Variants in LARGE1 observed in about 807,000 individuals in gnomAD.
LARGE1 encodes xylosyl- and glucuronyltransferase LARGE1.
LARGE1 carries 43 observed loss-of-function variants against 87.6 expected under a neutral mutation model. The observed-to-expected ratio is 0.49, with a 90% confidence interval of 0.38 to 0.63. The LOEUF is 0.63. Among genes scored for constraint, LARGE1 ranks in the 30% least tolerant of loss-of-function variants. The pLI is 0.00. For synonymous variants in LARGE1, 434 were observed against 394.6 expected, an observed-to-expected ratio of 1.10 and a Z score of -1.18; for missense variants, 802 against 1,000.2, an observed-to-expected ratio of 0.80 and a Z score of 2.67.
At chr22:33,497,710 T>C (rs548104320) in intron 6 of LARGE1, among the ~76,000 whole-genome samples, 1 of 152,198 alleles carries the variant, frequency 6.6e-6, no homozygotes, top group Non-Finnish European at 1.5e-5. Context: ...TACTTCTAAC[T>C]TTTTCCTAAC....
At chr22:33,412,277 T>G (rs1601749209) in intron 7 of LARGE1, among the ~76,000 whole-genome samples, 2 of 150,836 alleles carry the variant, frequency 1.3e-5, no homozygotes, top group South Asian at 2.1e-4. Flanking sequence ...AGAGTGAGAC[T>G]CCATCTCAAA....
intron 2 of LARGE1, among the ~76,000 whole-genome samples, chr22:33,689,171 C>CA (rs1569373306): frequency 4.6e-5 from 7 of 151,516 alleles, no homozygotes; most frequent in African/African-American, 1.5e-4. Flanking sequence ...CTCTCTCCCC[C>CA]CTCCTGTGTG....
At chr22:33,122,905 C>T in the LARGE1 span, among the ~76,000 whole-genome samples, 81 of 152,230 alleles carry the variant, frequency 5.3e-4, 1 homozygote, top group East Asian at 0.012. Context: ...GGGGCTGATA[C>T]GGGACCCTAC....
At chr22:33,807,083 T>C (rs1247342505) in intron 1 of LARGE1, among the ~76,000 whole-genome samples, 1 of 152,172 alleles carries the variant, frequency 6.6e-6, no homozygotes, top group African/African-American at 2.4e-5. Context: ...GCAGTTTGTT[T>C]GCAGCAGGTA....
intron 6 of LARGE1, among the ~76,000 whole-genome samples, chr22:33,462,878 A>C (rs1437907540): frequency 6.6e-5 from 10 of 152,240 alleles, no homozygotes; most frequent in Non-Finnish European, 8.8e-5. Context: ...CAAACTTTTA[A>C]AATAACAAGC....
intron 5 of LARGE1, among the ~76,000 whole-genome samples, chr22:33,586,334 G>A (rs949430876): frequency 1.3e-5 from 2 of 152,148 alleles, no homozygotes; most frequent in African/African-American, 4.8e-5. Context: ...CCTTCTTACA[G>A]AGACAATGAC....
At chr22:33,645,865 G>A (rs962158179) in intron 3 of LARGE1, among the ~76,000 whole-genome samples, 8 of 152,156 alleles carry the variant, frequency 5.3e-5, no homozygotes, top group Non-Finnish European at 1.2e-4. Flanking sequence ...GGTCATCAAA[G>A]AAATGCAAAT....
chr22:33,348,321 G>C lies in LARGE1; in HGVS notation c.1132-10520C>G, dbSNP rs965317734. Among the ~76,000 whole-genome samples the C allele has an allele frequency of 2.3e-5, 3 of 131,134 alleles. No individual in the cohort carries two copies. In the Admixed American group the frequency reaches 2.9e-4, roughly 13 times the overall value. 86.0% of individuals were successfully genotyped at this position (131,134 alleles called of 152,430 possible). A position where few individuals can be genotyped will look rare whatever the true frequency, so the allele number is the denominator to read the frequency against. ...AAAGTACTAGGCAGAGATCAAGAGT[G>C]CTGTTGGGCAGGGGCAAGGCACTGA... On this transcript the variant is annotated intron_variant, in intron 9 of 14. Transcript: ENST00000397394.
At chr22:33,390,145 T>C (rs2065466727) in intron 7 of LARGE1, among the ~76,000 whole-genome samples, 1 of 152,228 alleles carries the variant, frequency 6.6e-6, no homozygotes. Context: ...CTCAGGCTGC[T>C]TTTCTCTTTG....
chr22:33,829,006 CTTT>C (rs776583343), intron 1 of LARGE1, among the ~76,000 whole-genome samples: 1,195 of 94,700 alleles, frequency 0.013, 6 homozygotes, highest in Middle Eastern at 0.045. Flanking sequence ...GTCTCTTTTT[CTTT>C]TTTTTTTTTT....
chr22:33,521,420 T>C (rs2071587410), intron 6 of LARGE1, among the ~76,000 whole-genome samples: 1 of 152,216 alleles, frequency 6.6e-6, no homozygotes. Context: ...TCTCTCCACA[T>C]GGGCTCTCAT....
intron 12 of LARGE1, among the ~76,000 whole-genome samples, chr22:33,295,761 C>T (rs5749602): frequency 0.24 from 36,767 of 152,120 alleles, 9,054 homozygotes; most frequent in African/African-American, 0.64. Context: ...ATGAGGGAGA[C>T]AGGGCAGCCC....
At chr22:33,082,569 G>A in the LARGE1 span, among the ~76,000 whole-genome samples, 1 of 152,132 alleles carries the variant, frequency 6.6e-6, no homozygotes, top group Non-Finnish European at 1.5e-5. Flanking sequence ...AGAAGTCTGA[G>A]CAATCTACGC....
At position 33,317,946 on chromosome 22, in the gene LARGE1, G is replaced by A. The variant is rs1245333702; in HGVS notation, c.1288-1698C>T. ...TTCAACAAACTGTGCACTTAGAATGGGAGGACTTGGCCAGGCACGGTGGCT... is the reference window on the plus strand; with the variant it reads ...TTCAACAAACTGTGCACTTAGAATGAGAGGACTTGGCCAGGCACGGTGGCT... On this transcript the variant is annotated intron_variant, in intron 10 of 14. Coordinates refer to ENST00000397394, the MANE Select transcript of LARGE1 (RefSeq NM_133642.5). Among the ~76,000 whole-genome samples, 5 of 152,062 alleles carry A rather than the reference G, an allele frequency of 3.3e-5. No individual in the cohort carries two copies. The East Asian group carries it at 9.7e-4, about 29-fold the overall frequency.
At chr22:33,338,353 C>G (rs1429300191) in intron 9 of LARGE1, among the ~76,000 whole-genome samples, 1 of 152,130 alleles carries the variant, frequency 6.6e-6, no homozygotes, top group Admixed American at 6.5e-5. Flanking sequence ...TTCCCACACT[C>G]AGAACACGCT....
chr22:33,724,409 A>G (rs239318), intron 2 of LARGE1: 61,429 of 152,128 alleles, frequency 0.4, 12,761 homozygotes, highest in East Asian at 0.67. Context: ...TTTCTTGACT[A>G]GACTGATGAT....
At chr22:33,147,705 T>C in the LARGE1 span, among the ~76,000 whole-genome samples, 5 of 152,188 alleles carry the variant, frequency 3.3e-5, no homozygotes, top group African/African-American at 1.2e-4. Context: ...AAACAGACCT[T>C]ATTTGGTTTT....
intron 1 of LARGE1, among the ~76,000 whole-genome samples, chr22:33,894,496 A>G (rs1601867380): frequency 6.6e-6 from 1 of 152,084 alleles, no homozygotes; most frequent in South Asian, 2.1e-4. Flanking sequence ...TGTGTCCCCT[A>G]CCCGACACTG....
At chr22:33,525,228 C>G (rs558537348) in intron 6 of LARGE1, among the ~76,000 whole-genome samples, 122 of 152,094 alleles carry the variant, frequency 8.0e-4, no homozygotes, top group Non-Finnish European at 1.6e-3. Context: ...GTAATATGCT[C>G]AGCTTAATCC....
Sources: allele counts gnomAD v4.1 joint callset (sites outside exome capture counted in the v4.1 genomes callset), GRCh38; gene constraint gnomAD v4.1.1; transcripts MANE v1.5; gene names NCBI Gene and HGNC (gene_info 2026-07-23, HGNC 2026-07-21).